DLC1: variants seen among roughly 807,000 people sequenced by gnomAD.
DLC1 encodes the protein rho GTPase-activating protein 7.
A neutral mutation model predicts 140.3 loss-of-function variants in DLC1; 54 were observed. That is an observed-to-expected ratio of 0.38 (90% confidence interval 0.31 to 0.48). The LOEUF (loss-of-function observed/expected upper bound fraction) is 0.48. DLC1 is among the 20% of genes least tolerant of loss of function. The pLI is 0.96. For missense variants in DLC1, 2,536 were observed against 1,907.0 expected (o/e 1.33, Z -6.14); for synonymous variants, 986 against 728.1 (o/e 1.35, Z -5.70).
At chr8:13,335,552 T>C (rs1833782218) in intron 4 of DLC1, among the ~76,000 whole-genome samples, 1 of 152,164 alleles carries the variant, frequency 6.6e-6, no homozygotes, top group Non-Finnish European at 1.5e-5. Context: ...AAACCTCGAT[T>C]GAAGTTTCTC....
chr8:13,593,878 A>C (rs1437260111), intron 1 of DLC1, among the ~76,000 whole-genome samples: 1 of 152,128 alleles, frequency 6.6e-6, no homozygotes, highest in Admixed American at 6.5e-5. Flanking sequence ...GTATTGTTGA[A>C]CATCAAGGTA....
chr8:13,489,350 G>A (rs545943548), intron 2 of DLC1, among the ~76,000 whole-genome samples: 1 of 110,018 alleles, frequency 9.1e-6, no homozygotes, highest in South Asian at 2.9e-4. Flanking sequence ...CCCCGGCCCC[G>A]AGATTTTTCT....
At chr8:13,488,362 G>C (rs764242919) in intron 2 of DLC1, among the ~76,000 whole-genome samples, 1 of 152,080 alleles carries the variant, frequency 6.6e-6, no homozygotes, top group South Asian at 2.1e-4. Context: ...TCAAATACTA[G>C]CTAGGGAGCA....
At chr8:13,285,396 C>T (rs746166535) in intron 5 of DLC1, among the ~76,000 whole-genome samples, 16 of 152,106 alleles carry the variant, frequency 1.1e-4, no homozygotes, top group Non-Finnish European at 1.5e-4. Context: ...AACATTAACT[C>T]TAAATGGAAC....
rs552789433 is a variant in DLC1, at chr8:13,299,402, C to T, written c.1348+5867G>A. Among the ~76,000 whole-genome samples the T allele has an allele frequency of 5.4e-5, 8 of 149,486 alleles. No homozygotes were observed. In the South Asian group the frequency reaches 8.5e-4, roughly 16 times the overall value. On this transcript the variant is annotated intron_variant, in intron 5 of 17. Transcript: ENST00000276297. Reference sequence around the variant, plus strand: ...GTTGGAGGTTGCAGTGAGTCGAGACCGTGTCATTGCACTCCAGCCTGGGCA... The same window carrying T: ...GTTGGAGGTTGCAGTGAGTCGAGACTGTGTCATTGCACTCCAGCCTGGGCA...
chr8:13,556,743 A>G (rs1804059461), intron 1 of DLC1, among the ~76,000 whole-genome samples: 1 of 152,202 alleles, frequency 6.6e-6, no homozygotes, highest in Admixed American at 6.5e-5. Flanking sequence ...ACAGTGATAC[A>G]CAGTGCGAAA....
At chr8:13,571,058 T>A (rs548136876) in intron 1 of DLC1, among the ~76,000 whole-genome samples, 41 of 152,328 alleles carry the variant, frequency 2.7e-4, no homozygotes, top group African/African-American at 9.4e-4. Flanking sequence ...TATTATTGGG[T>A]AGGGGCTGAA....
At chr8:13,226,930 G>A (rs562631259) in intron 5 of DLC1, among the ~76,000 whole-genome samples, 3 of 152,240 alleles carry the variant, frequency 2.0e-5, no homozygotes, top group South Asian at 2.1e-4. Flanking sequence ...TATAGACTAT[G>A]CTGGAACCAC....
At chr8:13,517,813 C>G (rs939254085), upstream of DLC1, among the ~76,000 whole-genome samples, 1 of 152,200 alleles carries the variant, frequency 6.6e-6, no homozygotes, top group Non-Finnish European at 1.5e-5. Context: ...TGTGAGTTAC[C>G]TAACCGGGGT....
chr8:13,163,087 A>G (rs1258735733), intron 5 of DLC1, among the ~76,000 whole-genome samples: 1 of 152,152 alleles, frequency 6.6e-6, no homozygotes, highest in Admixed American at 6.5e-5. Context: ...CAGCACACAT[A>G]CATGAAGAGG....
chr8:13,206,312 G>A (rs568554143), intron 5 of DLC1, among the ~76,000 whole-genome samples: 1 of 152,162 alleles, frequency 6.6e-6, no homozygotes, highest in African/African-American at 2.4e-5. Flanking sequence ...AAACACAGTC[G>A]ACATTGCAAA....
At chr8:13,225,894 C>T (rs1828775916) in intron 5 of DLC1, among the ~76,000 whole-genome samples, 1 of 152,152 alleles carries the variant, frequency 6.6e-6, no homozygotes, top group African/African-American at 2.4e-5. Flanking sequence ...GGATTACAGG[C>T]GTGAGCCACC....
At chr8:13,321,138 A>G (rs1833088806) in intron 4 of DLC1, among the ~76,000 whole-genome samples, 1 of 152,216 alleles carries the variant, frequency 6.6e-6, no homozygotes, top group African/African-American at 2.4e-5. Flanking sequence ...TTAAAATACA[A>G]AATCTACTAC....
At chr8:13,157,306 G>A (rs1489711175) in intron 5 of DLC1, among the ~76,000 whole-genome samples, 2 of 152,132 alleles carry the variant, frequency 1.3e-5, no homozygotes, top group African/African-American at 4.8e-5. Context: ...TTGAGTAGGC[G>A]GGGTTAGAGA....
intron 7 of DLC1, among the ~76,000 whole-genome samples, chr8:13,109,563 TA>T (rs977939153): frequency 1.2e-4 from 15 of 129,804 alleles, no homozygotes; most frequent in African/African-American, 3.9e-4. Flanking sequence ...TCTTTAAAAA[TA>T]AAAAAAAATA....
intron 5 of DLC1, chr8:13,116,149 G>C: frequency 1.0e-6 from 1 of 986,496 alleles, no homozygotes; most frequent in Non-Finnish European, 1.2e-6. Flanking sequence ...CCCTGACCTT[G>C]TGTTGTTTCA....
chr8:13,444,344 A>G (rs147872757), intron 2 of DLC1, among the ~76,000 whole-genome samples: 4,097 of 152,242 alleles, frequency 0.027, 186 homozygotes, highest in African/African-American at 0.094. Context: ...GAAATACCTA[A>G]TGTAGATGAC....
At chr8:13,277,547 A>G (rs1045786298) in intron 5 of DLC1, among the ~76,000 whole-genome samples, 20 of 152,152 alleles carry the variant, frequency 1.3e-4, no homozygotes, top group African/African-American at 4.6e-4. Flanking sequence ...AATGTAAAAA[A>G]AGTTCCAAGC....
At chr8:13,282,991 C>G (rs554598298) in intron 5 of DLC1, among the ~76,000 whole-genome samples, 6 of 152,170 alleles carry the variant, frequency 3.9e-5, no homozygotes, top group South Asian at 2.1e-4. Flanking sequence ...TGGATTATAA[C>G]AATTATCAAC....
Sources: gnomAD v4.1 joint callset for allele counts (sites outside exome capture counted in the v4.1 genomes callset) on GRCh38, gnomAD v4.1.1 for gene constraint, MANE v1.5 for transcripts, NCBI Gene and HGNC (gene_info 2026-07-23, HGNC 2026-07-21) for gene names.